XDH: variants seen among roughly 807,000 people sequenced by gnomAD.
XDH encodes the protein xanthine dehydrogenase/oxidase.
XDH carries 138 observed loss-of-function variants against 156.1 expected under a neutral mutation model. The observed-to-expected ratio is 0.88, with a 90% confidence interval of 0.77 to 1.02. The LOEUF (loss-of-function observed/expected upper bound fraction) is 1.02. XDH is among the 50% of genes least tolerant of loss of function. The probability of loss-of-function intolerance (pLI) is 0.00; values close to 1 mark genes in which losing one functional copy is unlikely to be tolerated. For missense variants in XDH, 1,849 were observed against 1,684.9 expected (o/e 1.10, Z -1.71); for synonymous variants, 669 against 625.7 (o/e 1.07, Z -1.03).
intron 24 of XDH, among the ~76,000 whole-genome samples, chr2:31,358,810 A>T (rs1484664780): frequency 1.3e-5 from 2 of 152,150 alleles, no homozygotes; most frequent in African/African-American, 4.8e-5. Flanking sequence ...AACCCTACCA[A>T]TAACATATTT....
intron 24 of XDH, among the ~76,000 whole-genome samples, chr2:31,354,389 T>C (rs949646127): frequency 6.6e-6 from 1 of 152,192 alleles, no homozygotes; most frequent in African/African-American, 2.4e-5. Context: ...TACCAAGTGA[T>C]AGGAAGATCT....
chr2:31,398,848 G>T, intron 4 of XDH, 149 bp from the exon 5 acceptor site: 1 of 1,340,106 alleles, frequency 7.5e-7, no homozygotes, highest in Non-Finnish European at 1.0e-6. Context: ...TTTACCAACT[G>T]TGACCTTGGC....
At position 31,348,257 on chromosome 2, in the gene XDH, G is replaced by C. The variant is rs376898948; in HGVS notation, c.3147+11C>G. On this transcript the variant is annotated intron_variant, in intron 28 of 35. Coordinates refer to ENST00000379416, the MANE Select transcript of XDH (RefSeq NM_000379.4). ...ACAACGGACACAACACTGCCAGAGAGGGCTGCTCACCTGGACCATTTTGGT... is the reference window on the plus strand; with the variant it reads ...ACAACGGACACAACACTGCCAGAGACGGCTGCTCACCTGGACCATTTTGGT... The C allele has an allele frequency of 2.5e-6, 4 of 1,613,314 alleles. No individual in the cohort carries two copies. In the African/African-American group the frequency reaches 5.3e-5, roughly 22 times the overall value.
intron 3 of XDH, among the ~76,000 whole-genome samples, 194 bp from the exon 4 acceptor site, chr2:31,401,522 T>A (rs774595768): frequency 6.6e-6 from 1 of 152,116 alleles, no homozygotes; most frequent in Non-Finnish European, 1.5e-5. Flanking sequence ...AAGCTCTCCT[T>A]ATAGGTAAAG....
At chr2:31,398,385 C>T (rs1686968339) in intron 5 of XDH, among the ~76,000 whole-genome samples, 188 bp downstream of exon 5, 1 of 152,224 alleles carries the variant, frequency 6.6e-6, no homozygotes. Context: ...GGTCTCCACA[C>T]CAACCAGGAG....
chr2:31,376,920 G>A (rs1686261452), intron 14 of XDH, 133 bp downstream of exon 14: 3 of 1,156,176 alleles, frequency 2.6e-6, no homozygotes, highest in Non-Finnish European at 3.8e-6. Context: ...AGTAGTAGCA[G>A]CAGTAGCAGT....
At chr2:31,401,466 C>T (rs1361562641) in intron 3 of XDH, 138 bp from the exon 4 acceptor site, 2 of 921,724 alleles carry the variant, frequency 2.2e-6, no homozygotes. Context: ...TCTCTTCTAC[C>T]AGTGTCCTCA....
rs766335501 is a variant in XDH, at chr2:31,339,685, A to T, written c.3586-8T>A. 1 of 1,613,752 alleles carries T rather than the reference A, an allele frequency of 6.2e-7. No homozygotes were observed. Among genetic ancestry groups the T allele is most frequent in the Non-Finnish European group, 8.5e-7 (1 of 1,179,930 alleles). ...GACAAATGCCCCTTCCACCTGCAGGATGGATGGAGAGCACAGTTAGCCTGC... is the reference window on the plus strand; with the variant it reads ...GACAAATGCCCCTTCCACCTGCAGGTTGGATGGAGAGCACAGTTAGCCTGC... On this transcript the variant is annotated splice_region_variant and splice_polypyrimidine_tract_variant and intron_variant, in intron 33 of 35. Transcript: ENST00000379416.
chr2:31,341,041 G>C lies in XDH; in HGVS notation c.3585+288C>G, dbSNP rs1288003688. 3.3e-5 allele frequency among the ~76,000 whole-genome samples: 5 copies of C among 152,026 alleles called. No homozygotes were observed. The East Asian group carries it at 9.7e-4, about 29-fold the overall frequency. On this transcript the variant is annotated intron_variant, in intron 33 of 35. Coordinates refer to ENST00000379416, the MANE Select transcript of XDH (RefSeq NM_000379.4). ...CTACGTTGTGCTCACACTCAAATTGGGTGTGTGTGCATGTTCACATGTGCA... is the reference window on the plus strand; with the variant it reads ...CTACGTTGTGCTCACACTCAAATTGCGTGTGTGTGCATGTTCACATGTGCA...
intron 24 of XDH, among the ~76,000 whole-genome samples, chr2:31,355,287 T>G (rs1685594384): frequency 6.6e-6 from 1 of 152,090 alleles, no homozygotes; most frequent in South Asian, 2.1e-4. Context: ...TAAAGGAAGT[T>G]CTAAACAGAA....
rs895217312 is a variant in XDH, at chr2:31,388,309, G to T, written c.496-14C>A. 1 of 1,613,566 alleles carries T rather than the reference G, an allele frequency of 6.2e-7. No homozygotes were observed. Among genetic ancestry groups the T allele is most frequent in the Admixed American group, 1.7e-5 (1 of 60,026 alleles). On this transcript the variant is annotated splice_polypyrimidine_tract_variant and intron_variant, in intron 6 of 35. Transcript: ENST00000379416. Reference sequence around the variant, plus strand: ...GCATCCACCATCCTAGAGAGATGATGAACATCTGCACAAGGGTATTTACAA... The same window carrying T: ...GCATCCACCATCCTAGAGAGATGATTAACATCTGCACAAGGGTATTTACAA...
chr2:31,410,750 A>T (rs1420936746), intron 1 of XDH, among the ~76,000 whole-genome samples: 1 of 152,216 alleles, frequency 6.6e-6, no homozygotes, highest in East Asian at 1.9e-4. Context: ...CTAAAAAAAA[A>T]CTGGCCTGTT....
intron 1 of XDH, among the ~76,000 whole-genome samples, chr2:31,413,762 G>T (rs1248095621): frequency 6.6e-6 from 1 of 152,134 alleles, no homozygotes; most frequent in East Asian, 1.9e-4. Context: ...GCAACTATGG[G>T]ACTCTTTTAC....
chr2:31,387,897 C>T lies in XDH; in HGVS notation c.565G>A (p.Val189Ile), dbSNP rs1364373668. Reference protein sequence around the residue: ...CCMNQKKDHSVSLSPSLFKPE... With the variant: ...CCMNQKKDHSISLSPSLFKPE... ...TTGAATAAAGATGGCGAGAGGCTGA[C>T]CTATGGGGAAAGAGAACAGGTAGGT... The change falls in exon 8 of 36, where the codon GTC becomes ATC. Residue 189 changes from valine to isoleucine, a missense_variant and splice_region_variant. Coordinates refer to ENST00000379416, the MANE Select transcript of XDH (RefSeq NM_000379.4). 14 of 1,577,406 alleles carry T rather than the reference C, an allele frequency of 8.9e-6. No homozygotes were observed. Among genetic ancestry groups the T allele is most frequent in the Non-Finnish European group, 1.2e-5 (14 of 1,161,634 alleles).
chr2:31,385,227 C>G (rs1686554085), intron 9 of XDH, among the ~76,000 whole-genome samples: 1 of 152,128 alleles, frequency 6.6e-6, no homozygotes, highest in African/African-American at 2.4e-5. Flanking sequence ...TCCTAAGATT[C>G]CCCCAGCCAC....
At position 31,344,753 on chromosome 2, in the gene XDH, G is replaced by T. The variant is rs943582233; in HGVS notation, c.3352-17C>A. 1 of 1,613,962 alleles carries T rather than the reference G, an allele frequency of 6.2e-7. No homozygotes were observed. The highest frequency in any genetic ancestry group is 1.3e-5 in the African/African-American group (1 of 75,036). On this transcript the variant is annotated splice_polypyrimidine_tract_variant and intron_variant, in intron 30 of 35. Coordinates refer to ENST00000379416, the MANE Select transcript of XDH (RefSeq NM_000379.4). ...AGCTGTGACCTGAGGAGAGGAGATG[G>T]CCATCAGGCAGGTGAAGTGAGGTTT...
intron 26 of XDH, among the ~76,000 whole-genome samples, chr2:31,349,403 T>G (rs564922044): frequency 1.3e-5 from 2 of 152,198 alleles, no homozygotes; most frequent in African/African-American, 4.8e-5. Context: ...GACGTGTTAG[T>G]CCTAGGCCAG....
rs1650389604 is a variant in XDH at position 31,335,973 on chromosome 2, C to T, written c.3987G>A (p.Trp1329Ter). 3 of 1,614,176 alleles carry T rather than the reference C, an allele frequency of 1.9e-6. No homozygotes were observed. The highest frequency in any genetic ancestry group is 8.5e-7 in the Non-Finnish European group (1 of 1,180,034). ...VTGVPENCKPWSVRV is the reference protein window; with the variant it reads ...VTGVPENCKP ...GACTCTCTCTTTAGACCCTCACAGACCAGGGTTTGCAGTTTTCTGGGACAC... is the reference window on the plus strand; with the variant it reads ...GACTCTCTCTTTAGACCCTCACAGATCAGGGTTTGCAGTTTTCTGGGACAC... The change falls in exon 36 of 36, where the codon TGG (tryptophan) becomes TGA (stop). Residue 1329 changes from tryptophan (W) to a stop codon, truncating the protein, a stop_gained. Coordinates refer to ENST00000379416, the MANE Select transcript of XDH (RefSeq NM_000379.4). LOFTEE classifies it high-confidence loss of function.
chr2:31,366,813 T>G, intron 21 of XDH, 57 bp downstream of exon 21: 3 of 1,612,366 alleles, frequency 1.9e-6, no homozygotes, highest in East Asian at 2.2e-5. Context: ...CCTCCTGGTC[T>G]GCTAGGAGCT....
Sources: allele counts gnomAD v4.1 joint callset (sites outside exome capture counted in the v4.1 genomes callset), GRCh38; gene constraint gnomAD v4.1.1; transcripts MANE v1.5; gene names NCBI Gene and HGNC (gene_info 2026-07-23, HGNC 2026-07-21).